PDZD2: variants seen among roughly 807,000 people sequenced by gnomAD.
PDZD2 encodes the protein PDZ domain-containing protein 2.
A neutral mutation model predicts 220.7 loss-of-function variants in PDZD2; 90 were observed. The observed-to-expected ratio is 0.41, with a 90% CI of 0.34 to 0.49. PDZD2 has a LOEUF of 0.49. Among genes scored for constraint, PDZD2 ranks in the 20% least tolerant of loss-of-function variants. PDZD2 has a pLI of 0.28. For missense variants in PDZD2, 3,174 were observed against 3,608.5 expected, an observed-to-expected ratio of 0.88 and a Z score of 3.08; for synonymous variants, 1,375 against 1,450.5, an observed-to-expected ratio of 0.95 and a Z score of 1.18.
chr5:32,095,904 CT>C lies in PDZD2; in HGVS notation c.7846-1355del, dbSNP rs78609791. The stretch of plus-strand genomic sequence containing the variant: ...TACTGGTGCCCGCCACCATGCCCGG[CT>C]TTTTTTTTTTTTTTTTTTTAGTAGA... On this transcript the variant is annotated intron_variant, in intron 21 of 24. Transcript: ENST00000438447. Among the ~76,000 whole-genome samples, 446 of 121,320 alleles carry C rather than the reference CT, an allele frequency of 3.7e-3. 6 individuals are homozygous for C. Among genetic ancestry groups the C allele is most frequent in the Admixed American group, 0.018 (210 of 11,946 alleles). The allele number at this position is 121,320 out of a possible 152,430, so 79.6% of individuals were successfully genotyped here. A position where few individuals can be genotyped will look rare whatever the true frequency, so the allele number is the denominator to read the frequency against.
chr5:32,054,144 A>C (rs533248470), intron 10 of PDZD2, among the ~76,000 whole-genome samples: 1 of 152,072 alleles, frequency 6.6e-6, no homozygotes, highest in South Asian at 2.1e-4. Flanking sequence ...TTTAGTGTCT[A>C]TCTTGTCAAC....
chr5:31,686,938 C>CA (rs1746895606), intron 1 of PDZD2, among the ~76,000 whole-genome samples: 1 of 152,122 alleles, frequency 6.6e-6, no homozygotes, highest in Admixed American at 6.6e-5. Flanking sequence ...AGTGCCTAAC[C>CA]ACTCGGAATC....
intron 6 of PDZD2, among the ~76,000 whole-genome samples, chr5:32,034,313 C>T (rs146637181): frequency 3.8e-4 from 58 of 150,672 alleles, no homozygotes; most frequent in East Asian, 2.3e-3. Flanking sequence ...CTCTGAAGGT[C>T]GATAGCCTGG....
intron 5 of PDZD2, among the ~76,000 whole-genome samples, chr5:32,008,190 A>T (rs940605454): frequency 4.6e-5 from 7 of 151,088 alleles, no homozygotes; most frequent in African/African-American, 1.7e-4. Flanking sequence ...TATTCCATGT[A>T]TTTTTGTTGA....
At chr5:32,052,334 C>T (rs1265512068) in intron 8 of PDZD2, among the ~76,000 whole-genome samples, 8 of 152,128 alleles carry the variant, frequency 5.3e-5, no homozygotes, top group Admixed American at 3.3e-4. Flanking sequence ...TTATTAGAGC[C>T]GGGGTTTCAC....
chr5:31,702,678 G>A, intron 1 of PDZD2, among the ~76,000 whole-genome samples: 1 of 152,230 alleles, frequency 6.6e-6, no homozygotes, highest in East Asian at 1.9e-4. Flanking sequence ...CGGAGAGATA[G>A]GCCAAGATTA....
At chr5:31,832,889 A>T (rs1023108683) in intron 2 of PDZD2, among the ~76,000 whole-genome samples, 2 of 149,000 alleles carry the variant, frequency 1.3e-5, no homozygotes, top group Non-Finnish European at 3.0e-5. Flanking sequence ...TTAAGTACAA[A>T]CCTAGTGTGT....
chr5:31,926,710 A>T (rs1030740326), intron 2 of PDZD2, among the ~76,000 whole-genome samples: 10 of 152,146 alleles, frequency 6.6e-5, no homozygotes, highest in Non-Finnish European at 1.2e-4. Flanking sequence ...CAGCAATTCT[A>T]TACTAGGTAT....
At chr5:31,667,269 G>C (rs1465192788) in intron 1 of PDZD2, among the ~76,000 whole-genome samples, 10 of 146,292 alleles carry the variant, frequency 6.8e-5, no homozygotes, top group African/African-American at 2.5e-4. Context: ...AGTACCTGCT[G>C]CCTGCTGTGT....
intron 1 of PDZD2, among the ~76,000 whole-genome samples, chr5:31,790,226 T>G (rs1186635730): frequency 6.6e-6 from 1 of 152,006 alleles, no homozygotes. Context: ...GCCTCCCGAG[T>G]AGCTAGGACT....
intron 18 of PDZD2, among the ~76,000 whole-genome samples, chr5:32,076,288 GAAAAAAA>G (rs67898034): frequency 2.8e-3 from 249 of 87,916 alleles, no homozygotes; most frequent in African/African-American, 8.2e-3. Context: ...TCGGTCTCAA[GAAAAAAA>G]AAAAAAAAAA....
intron 1 of PDZD2, among the ~76,000 whole-genome samples, chr5:31,759,093 C>A (rs1042143055): frequency 5.9e-5 from 9 of 152,080 alleles, no homozygotes; most frequent in Admixed American, 2.6e-4. Context: ...TGAGCTCCCC[C>A]ACGCCAGCAC....
At chr5:32,092,054 A>G (rs771004121) in intron 20 of PDZD2, among the ~76,000 whole-genome samples, 4 of 152,120 alleles carry the variant, frequency 2.6e-5, no homozygotes, top group Admixed American at 6.6e-5. Context: ...CGGGCAGATC[A>G]CTTAAGGTGA....
intron 1 of PDZD2, among the ~76,000 whole-genome samples, chr5:31,722,604 CA>C (rs1211523968): frequency 1.1e-4 from 16 of 151,992 alleles, no homozygotes; most frequent in Middle Eastern, 3.4e-3. Flanking sequence ...GAAGCTTCTG[CA>C]AGAAAGAAAA....
At chr5:31,812,220 G>C (rs1755163464) in intron 2 of PDZD2, among the ~76,000 whole-genome samples, 1 of 152,186 alleles carries the variant, frequency 6.6e-6, no homozygotes, top group Non-Finnish European at 1.5e-5. Context: ...CTCTAGAATG[G>C]TGGTTGCTAA....
At chr5:31,995,308 C>T (rs573035040) in intron 3 of PDZD2, among the ~76,000 whole-genome samples, 4 of 152,302 alleles carry the variant, frequency 2.6e-5, no homozygotes, top group South Asian at 4.1e-4. Context: ...CTAGCCACAT[C>T]GCAAGCACTC....
At chr5:32,086,531 T>G (rs1222964395) in intron 19 of PDZD2, among the ~76,000 whole-genome samples, 3 of 152,222 alleles carry the variant, frequency 2.0e-5, no homozygotes, top group African/African-American at 7.2e-5. Flanking sequence ...TAAATGTTTC[T>G]TCTGCCGGCT....
intron 2 of PDZD2, among the ~76,000 whole-genome samples, chr5:31,877,637 G>C (rs989846334): frequency 1.3e-5 from 2 of 152,086 alleles, no homozygotes; most frequent in Non-Finnish European, 2.9e-5. Flanking sequence ...AAGGAAAATT[G>C]CTTCACAGAA....
intron 1 of PDZD2, among the ~76,000 whole-genome samples, chr5:31,778,337 T>C (rs934263127): frequency 6.6e-6 from 1 of 152,178 alleles, no homozygotes; most frequent in South Asian, 2.1e-4. Flanking sequence ...CCTTCCACAC[T>C]GTGGAAGCTT....
Sources: gnomAD v4.1 joint callset for allele counts (sites outside exome capture counted in the v4.1 genomes callset) on GRCh38, gnomAD v4.1.1 for gene constraint, MANE v1.5 for transcripts, NCBI Gene and HGNC (gene_info 2026-07-23, HGNC 2026-07-21) for gene names.